Variants in SH3D19 observed in about 807,000 individuals in gnomAD.
SH3D19 encodes the protein SH3 domain containing 19, also known as SH3 domain-containing protein 19.
A neutral mutation model predicts 112.1 loss-of-function variants in SH3D19; 58 were observed. That is an observed-to-expected ratio of 0.52 (90% CI 0.42 to 0.64). The LOEUF (loss-of-function observed/expected upper bound fraction) is 0.64. SH3D19 is among the 30% of genes least tolerant of loss of function. The pLI, the probability that SH3D19 is intolerant of heterozygous loss-of-function variation, is 0.00. For synonymous variants in SH3D19, 391 were observed against 448.5 expected, an observed-to-expected ratio of 0.87 and a Z score of 1.62; for missense variants, 1,090 against 1,263.4, an observed-to-expected ratio of 0.86 and a Z score of 2.08.
intron 2 of SH3D19, among the ~76,000 whole-genome samples, chr4:151,187,701 C>T (rs1762014424): frequency 6.6e-6 from 1 of 152,170 alleles, no homozygotes; most frequent in Non-Finnish European, 1.5e-5. Flanking sequence ...AAATTGCTTT[C>T]ATAGCTACTT....
chr4:151,140,770 G>A (rs1752843644), intron 12 of SH3D19: 1 of 152,100 alleles, frequency 6.6e-6, no homozygotes, highest in Non-Finnish European at 1.5e-5. Context: ...TGTCCCCTTA[G>A]AGACGTCCTG....
chr4:151,132,460 T>C (rs919550023), intron 16 of SH3D19, 77 bp from the exon 17 acceptor site: 5 of 1,344,394 alleles, frequency 3.7e-6, no homozygotes, highest in Non-Finnish European at 5.3e-6. Flanking sequence ...AAACAAATGG[T>C]TGAGGTGGGA....
chr4:151,230,705 G>C (rs1253347296), intron 1 of SH3D19, among the ~76,000 whole-genome samples: 3 of 150,884 alleles, frequency 2.0e-5, no homozygotes, highest in Admixed American at 6.6e-5. Context: ...TGATTCTTCT[G>C]CCTCAGCTGG....
intron 1 of SH3D19, among the ~76,000 whole-genome samples, chr4:151,274,777 G>A (rs1226521462): frequency 1.3e-5 from 2 of 152,132 alleles, no homozygotes; most frequent in Non-Finnish European, 2.9e-5. Context: ...CAGACTAGAC[G>A]AACTTAACCA....
chr4:151,212,968 A>C (rs1328007871), intron 2 of SH3D19, among the ~76,000 whole-genome samples: 2 of 152,214 alleles, frequency 1.3e-5, no homozygotes, highest in African/African-American at 4.8e-5. Flanking sequence ...GATGACTTTG[A>C]GGGGTTCAAG....
At chr4:151,163,171 G>A (rs1757438322) in intron 8 of SH3D19, among the ~76,000 whole-genome samples, 2 of 152,228 alleles carry the variant, frequency 1.3e-5, no homozygotes, top group East Asian at 3.9e-4. Context: ...GAAGACTCTT[G>A]GAAGCTTGCA....
chr4:151,189,797 G>A (rs1213243361), intron 2 of SH3D19, among the ~76,000 whole-genome samples: 1 of 152,112 alleles, frequency 6.6e-6, no homozygotes, highest in Non-Finnish European at 1.5e-5. Flanking sequence ...GTGAAAACAG[G>A]CTAATACAGT....
chr4:151,236,518 A>T (rs900028987), intron 1 of SH3D19, among the ~76,000 whole-genome samples: 1 of 152,046 alleles, frequency 6.6e-6, no homozygotes. Context: ...ACCAATCAGC[A>T]CTCTGTGTCT....
At chr4:151,136,735 T>G (rs1751933747) in intron 14 of SH3D19, among the ~76,000 whole-genome samples, 1 of 152,148 alleles carries the variant, frequency 6.6e-6, no homozygotes, top group Admixed American at 6.5e-5. Flanking sequence ...AGAAGAAAAA[T>G]GAGGAAGAGT....
intron 9 of SH3D19, among the ~76,000 whole-genome samples, chr4:151,158,057 T>C (rs1265499272): frequency 6.6e-6 from 1 of 152,140 alleles, no homozygotes; most frequent in East Asian, 1.9e-4. Context: ...AACAATAATA[T>C]ATAGCTTCAA....
intron 1 of SH3D19, among the ~76,000 whole-genome samples, chr4:151,298,181 ATTTTTTTT>A (rs386401883): frequency 6.3e-5 from 6 of 94,886 alleles, no homozygotes; most frequent in East Asian, 5.9e-4. Flanking sequence ...AGAATAATAA[ATTTTTTTT>A]TTTTTTTTTT....
intron 2 of SH3D19, among the ~76,000 whole-genome samples, chr4:151,205,845 A>G (rs1446103592): frequency 1.3e-5 from 2 of 152,236 alleles, no homozygotes; most frequent in East Asian, 3.8e-4. Context: ...TAGAGATGAA[A>G]AAAGAGTTTA....
At chr4:151,285,469 T>C (rs964841562) in intron 1 of SH3D19, among the ~76,000 whole-genome samples, 4 of 152,090 alleles carry the variant, frequency 2.6e-5, no homozygotes, top group African/African-American at 9.7e-5. Flanking sequence ...AATTCACAAA[T>C]ATGTGGAAAG....
intron 1 of SH3D19, among the ~76,000 whole-genome samples, chr4:151,269,376 C>A (rs1321852818): frequency 6.6e-6 from 1 of 151,934 alleles, no homozygotes; most frequent in African/African-American, 2.4e-5. Flanking sequence ...CGAAAATTTT[C>A]TCCCATTTTG....
intron 17 of SH3D19, among the ~76,000 whole-genome samples, chr4:151,131,938 T>C (rs1203683449): frequency 1.3e-5 from 2 of 152,114 alleles, no homozygotes. Context: ...ATTTTCCTGC[T>C]TCAGCCTTCC....
chr4:151,158,410 C>G (rs1486979059), intron 9 of SH3D19, among the ~76,000 whole-genome samples: 3 of 152,102 alleles, frequency 2.0e-5, no homozygotes, highest in African/African-American at 7.2e-5. Flanking sequence ...AGCGATTCTC[C>G]TGCTTCAGCC....
At chr4:151,321,983 C>T (rs1297350374) in intron 1 of SH3D19, among the ~76,000 whole-genome samples, 2 of 152,152 alleles carry the variant, frequency 1.3e-5, no homozygotes, top group Non-Finnish European at 2.9e-5. Context: ...TCTGTCAGGT[C>T]AGGCAATTAA....
chr4:151,198,327 TA>T lies in SH3D19; in HGVS notation c.153-10865del, dbSNP rs1167525773. Among the ~76,000 whole-genome samples the T allele has an allele frequency of 9.5e-4, 77 of 81,192 alleles. 1 individual carries two copies. In the East Asian group the frequency reaches 0.017, roughly 18 times the overall value. The allele number at this position is 81,192 out of a possible 152,430, so 53.3% of individuals were successfully genotyped here. On this transcript the variant is annotated intron_variant, in intron 2 of 19. Transcript: ENST00000604030. ...CTCAAAAAAAAAAAAAATATATATA[TA>T]ATATAAAAATATATATTATATAAAA...
intron 1 of SH3D19, among the ~76,000 whole-genome samples, chr4:151,275,848 AT>A (rs370367821): frequency 1.1e-4 from 15 of 135,268 alleles, no homozygotes; most frequent in South Asian, 4.6e-4. Flanking sequence ...TATTATTATT[AT>A]TTTTTTTTTT....
Sources: allele counts gnomAD v4.1 joint callset (sites outside exome capture counted in the v4.1 genomes callset), GRCh38; gene constraint gnomAD v4.1.1; transcripts MANE v1.5; gene names NCBI Gene and HGNC (gene_info 2026-07-23, HGNC 2026-07-21).